TRAK1: variants seen among roughly 807,000 people sequenced by gnomAD.
TRAK1 encodes trafficking kinesin protein 1.
A neutral mutation model predicts 92.1 loss-of-function variants in TRAK1; 33 were observed. The observed-to-expected ratio is 0.36, with a 90% CI of 0.27 to 0.48. TRAK1 has a LOEUF of 0.48. Ranked by LOEUF, TRAK1 falls within the 20% of genes least tolerant of loss-of-function variation. TRAK1 has a pLI of 0.99. For missense variants in TRAK1, 1,123 were observed against 1,257.9 expected (o/e 0.89, Z 1.62); for synonymous variants, 521 against 517.3 (o/e 1.01, Z -0.10).
chr3:42,122,357 T>C (rs1576469123), intron 1 of TRAK1, among the ~76,000 whole-genome samples: 1 of 151,918 alleles, frequency 6.6e-6, no homozygotes, highest in Admixed American at 6.6e-5. Flanking sequence ...TTTTTTTTTT[T>C]CTGGAGTCTG....
At chr3:42,210,216 A>G (rs759315103) in intron 14 of TRAK1, 1 of 1,544,178 alleles carries the variant, frequency 6.5e-7, no homozygotes, top group Admixed American at 2.0e-5. Flanking sequence ...CACCATCCGT[A>G]GTGGTTCTCT....
chr3:42,121,302 C>A (rs1346345879), intron 1 of TRAK1, among the ~76,000 whole-genome samples: 1 of 151,174 alleles, frequency 6.6e-6, no homozygotes, highest in African/African-American at 2.4e-5. Context: ...CTGTGTCCCC[C>A]AGGCTGGAGT....
chr3:42,160,148 A>AC lies in TRAK1; in HGVS notation c.287-16661dup, dbSNP rs1292209566. 3.8e-6 allele frequency: 4 copies of AC among 1,056,258 alleles called. No homozygotes were observed. The African/African-American group carries it at 7.1e-5, about 19-fold the overall frequency. 65.4% of individuals were successfully genotyped at this position (1,056,258 alleles called of 1,614,324 possible). On this transcript the variant is annotated intron_variant, in intron 2 of 15. Coordinates refer to ENST00000327628, the MANE Select transcript of TRAK1 (RefSeq NM_001042646.3). ...CCCCTCCTCCAGGCTCATAGGAGCC[A>AC]CCCCCTTCCGGGTCCTGCCCGGGTG...
chr3:42,214,229 G>T (rs1709403893), intron 14 of TRAK1, among the ~76,000 whole-genome samples: 2 of 152,152 alleles, frequency 1.3e-5, no homozygotes, highest in African/African-American at 2.4e-5. Flanking sequence ...TAATGTGGAG[G>T]GCCCTTGAGG....
intron 1 of TRAK1, among the ~76,000 whole-genome samples, chr3:42,026,285 A>G (rs1228978585): frequency 6.6e-6 from 1 of 152,180 alleles, no homozygotes; most frequent in African/African-American, 2.4e-5. Flanking sequence ...CAGGGTGATC[A>G]TATACTAGAG....
At chr3:42,038,194 G>A (rs1001071068) in intron 1 of TRAK1, among the ~76,000 whole-genome samples, 6 of 152,208 alleles carry the variant, frequency 3.9e-5, no homozygotes, top group Non-Finnish European at 5.9e-5. Flanking sequence ...GGTCAGAGAC[G>A]TCCCAGAAGT....
intron 1 of TRAK1, among the ~76,000 whole-genome samples, chr3:42,023,241 G>A (rs1385856399): frequency 6.6e-6 from 1 of 151,292 alleles, no homozygotes; most frequent in Non-Finnish European, 1.5e-5. Context: ...GTTCTTTATA[G>A]TATACTGAAT....
chr3:42,081,888 G>A (rs1053271669), intron 1 of TRAK1, among the ~76,000 whole-genome samples: 3 of 152,116 alleles, frequency 2.0e-5, no homozygotes, highest in Non-Finnish European at 4.4e-5. Context: ...GTTTTTCTAC[G>A]AATAGAAATT....
intron 1 of TRAK1, among the ~76,000 whole-genome samples, chr3:42,060,850 C>G (rs151135262): frequency 7.2e-5 from 11 of 152,006 alleles, no homozygotes; most frequent in Non-Finnish European, 1.5e-4. Flanking sequence ...AGGCTGGTCT[C>G]GAACTCCTGA....
chr3:42,041,474 C>T (rs922551187), intron 1 of TRAK1, among the ~76,000 whole-genome samples: 6 of 152,042 alleles, frequency 3.9e-5, no homozygotes, highest in Non-Finnish European at 5.9e-5. Flanking sequence ...ATCTTGCAAC[C>T]TTGCTGAATT....
intron 8 of TRAK1, 129 bp from the exon 9 acceptor site, chr3:42,193,695 A>T (rs1706160051): frequency 6.0e-6 from 6 of 1,006,500 alleles, no homozygotes; most frequent in Middle Eastern, 2.7e-4. Flanking sequence ...TAAAAAGCAG[A>T]ATTTGAGTAT....
At chr3:42,192,472 A>T (rs1705940778) in intron 7 of TRAK1, among the ~76,000 whole-genome samples, 1 of 152,218 alleles carries the variant, frequency 6.6e-6, no homozygotes, top group Non-Finnish European at 1.5e-5. Context: ...TCGTCAAAGT[A>T]CTAAGTATTT....
chr3:42,052,316 G>A (rs1343202888), intron 1 of TRAK1, among the ~76,000 whole-genome samples: 1 of 152,190 alleles, frequency 6.6e-6, no homozygotes, highest in African/African-American at 2.4e-5. Context: ...TCAGACCTCA[G>A]AAACTCAGGC....
chr3:42,078,883 G>A (rs1704291787), intron 1 of TRAK1, among the ~76,000 whole-genome samples: 1 of 152,176 alleles, frequency 6.6e-6, no homozygotes, highest in Non-Finnish European at 1.5e-5. Context: ...GGAGCCACTT[G>A]CAAAATCTGG....
At chr3:42,115,414 T>A (rs1709045634) in intron 1 of TRAK1, among the ~76,000 whole-genome samples, 1 of 152,142 alleles carries the variant, frequency 6.6e-6, no homozygotes, top group South Asian at 2.1e-4. Context: ...TAGCCTCACG[T>A]CGGACACCCT....
upstream of TRAK1, among the ~76,000 whole-genome samples, chr3:42,083,486 G>T (rs1346724053): frequency 6.6e-6 from 1 of 152,098 alleles, no homozygotes; most frequent in African/African-American, 2.4e-5. Context: ...GGACCATCAG[G>T]GTCTTTGAGT....
chr3:42,215,500 GGGT>G (rs1393472409), intron 14 of TRAK1, among the ~76,000 whole-genome samples: 212 of 66,030 alleles, frequency 3.2e-3, no homozygotes, highest in African/African-American at 0.012. Context: ...GCCACTGTTG[GGGT>G]GTGTGTGTGT....
rs1437867324 is a variant in TRAK1 at position 42,135,161 on chromosome 3, G to T, written c.286+9547G>T. 2.0e-5 allele frequency among the ~76,000 whole-genome samples: 3 copies of T among 152,070 alleles called. No individual in the cohort carries two copies. The East Asian group carries it at 5.8e-4, about 29-fold the overall frequency. ...GGTAGTGTTTGTAACTTCAGAACCC[G>T]CCCTTACCTTACCTACCTACCATGT... On this transcript the variant is annotated intron_variant, in intron 2 of 15. Coordinates refer to ENST00000327628, the MANE Select transcript of TRAK1 (RefSeq NM_001042646.3).
chr3:42,080,433 A>G (rs1704377509), intron 1 of TRAK1, among the ~76,000 whole-genome samples: 1 of 152,200 alleles, frequency 6.6e-6, no homozygotes, highest in Non-Finnish European at 1.5e-5. Context: ...TCCTCTGCTA[A>G]GAAAAATCCT....
Sources: allele counts gnomAD v4.1 joint callset (sites outside exome capture counted in the v4.1 genomes callset), GRCh38; gene constraint gnomAD v4.1.1; transcripts MANE v1.5; gene names NCBI Gene and HGNC (gene_info 2026-07-23, HGNC 2026-07-21).